ACTR3: variants seen among roughly 807,000 people sequenced by gnomAD.
ACTR3 encodes actin-related protein 3.
Under a neutral mutation model 56.8 loss-of-function variants are expected in ACTR3, and 12 were observed. That is an observed-to-expected ratio of 0.21 (90% CI 0.14 to 0.34). ACTR3 has a LOEUF of 0.34. Ranked by LOEUF, ACTR3 falls within the 10% of genes least tolerant of loss-of-function variation. The pLI is 1.00. For missense variants in ACTR3, 282 were observed against 512.5 expected, an observed-to-expected ratio of 0.55 and a Z score of 4.34; for synonymous variants, 162 against 167.4, an observed-to-expected ratio of 0.97 and a Z score of 0.25.
At position 113,927,290 on chromosome 2, in the gene ACTR3, ATT is replaced by A. The variant is rs147608621; in HGVS notation, c.226-53_226-52del. On this transcript the variant is annotated intron_variant, in intron 3 of 11. Transcript: ENST00000263238. The stretch of plus-strand genomic sequence containing the variant: ...CTGATATTTCCTTTTTTGTATTTTT[ATT>A]TGTTTTTTATATTAATAAGATTTAA... 565 of 1,201,686 alleles carry A rather than the reference ATT, an allele frequency of 4.7e-4. 3 individuals carry two copies. The African/African-American group carries it at 8.2e-3, about 17-fold the overall frequency. The allele number at this position is 1,201,686 out of a possible 1,614,324, so 74.4% of individuals were successfully genotyped here.
intron 1 of ACTR3, among the ~76,000 whole-genome samples, chr2:113,901,726 G>C (rs1370480858): frequency 6.6e-6 from 1 of 151,994 alleles, no homozygotes; most frequent in African/African-American, 2.4e-5. Context: ...TTGAACTATT[G>C]AAAGTTAAAA....
chr2:113,914,405 G>T (rs1354892181), intron 2 of ACTR3, among the ~76,000 whole-genome samples: 1 of 152,136 alleles, frequency 6.6e-6, no homozygotes, highest in Non-Finnish European at 1.5e-5. Flanking sequence ...GAGGTCAGGA[G>T]TTCGAGACCA....
intron 10 of ACTR3, 83 bp from the exon 11 acceptor site, chr2:113,955,540 G>T: frequency 2.1e-6 from 2 of 973,802 alleles, no homozygotes; most frequent in East Asian, 2.6e-5. Context: ...TATTATTTTT[G>T]TATATGTACA....
rs1680241677 is a variant in ACTR3 at position 113,957,677 on chromosome 2, G to A, written c.*222G>A. Reference sequence around the variant, plus strand: ...TTTAGATTGAATATTTGAATCTTATGTGTAACAAAAAGAAGTGGGTTTTAG... The same window carrying A: ...TTTAGATTGAATATTTGAATCTTATATGTAACAAAAAGAAGTGGGTTTTAG... On this transcript the variant is annotated 3_prime_UTR_variant, in exon 12 of 12. Transcript: ENST00000263238. 4.4e-6 allele frequency: 2 copies of A among 457,940 alleles called. No individual in the cohort carries two copies. The highest frequency in any genetic ancestry group is 6.6e-5 in the East Asian group (2 of 30,386). The allele number at this position is 457,940 out of a possible 1,614,324, so 28.4% of individuals were successfully genotyped here. A position where few individuals can be genotyped will look rare whatever the true frequency, so the allele number is the denominator to read the frequency against.
At chr2:113,952,459 A>G (rs1680138013) in intron 10 of ACTR3, 1 of 152,132 alleles carries the variant, frequency 6.6e-6, no homozygotes, top group Admixed American at 6.6e-5. Context: ...GTTGATTTAG[A>G]GGAATGATAT....
At chr2:113,939,776 C>CT (rs538156657) in intron 6 of ACTR3, among the ~76,000 whole-genome samples, 183 bp from the exon 7 acceptor site, 243 of 152,224 alleles carry the variant, frequency 1.6e-3, no homozygotes, top group Non-Finnish European at 2.6e-3. Context: ...GAAAATAAAT[C>CT]TAAGTTGCTG....
intron 4 of ACTR3, among the ~76,000 whole-genome samples, chr2:113,928,612 G>A (rs1014062202): frequency 6.6e-6 from 1 of 152,120 alleles, no homozygotes; most frequent in Non-Finnish European, 1.5e-5. Context: ...TTATACAATG[G>A]TCCCTGTCAC....
intron 1 of ACTR3, among the ~76,000 whole-genome samples, chr2:113,894,832 G>A (rs1678975115): frequency 2.6e-5 from 4 of 152,136 alleles, no homozygotes; most frequent in African/African-American, 9.7e-5. Context: ...CAGGTGGTTC[G>A]ATCTGCTATT....
intron 1 of ACTR3, among the ~76,000 whole-genome samples, chr2:113,900,477 G>C (rs527524070): frequency 3.9e-5 from 6 of 152,274 alleles, no homozygotes; most frequent in African/African-American, 1.4e-4. Flanking sequence ...CAAAGGGACT[G>C]GGAAAACGTT....
chr2:113,912,621 T>G (rs1172445109), intron 1 of ACTR3, among the ~76,000 whole-genome samples: 1 of 152,176 alleles, frequency 6.6e-6, no homozygotes. Context: ...AAATTATTCT[T>G]GTGTAGTCTT....
chr2:113,946,981 G>A (rs1001626444), intron 8 of ACTR3, among the ~76,000 whole-genome samples: 5 of 152,144 alleles, frequency 3.3e-5, no homozygotes, highest in Non-Finnish European at 5.9e-5. Context: ...ATTCATCCTT[G>A]GTCATTTACC....
At chr2:113,903,572 C>T (rs977780921) in intron 1 of ACTR3, among the ~76,000 whole-genome samples, 9 of 150,292 alleles carry the variant, frequency 6.0e-5, no homozygotes, top group African/African-American at 1.7e-4. Context: ...AGTCTCGCTC[C>T]GTTGCTGGGC....
chr2:113,931,267 T>TA, intron 4 of ACTR3, 34 bp from the exon 5 acceptor site: 1 of 1,253,580 alleles, frequency 8.0e-7, no homozygotes, highest in Non-Finnish European at 1.1e-6. Flanking sequence ...AATAATCTGA[T>TA]ATTATCTATT....
At chr2:113,944,931 C>A (rs1455657737) in intron 8 of ACTR3, among the ~76,000 whole-genome samples, 1 of 152,052 alleles carries the variant, frequency 6.6e-6, no homozygotes, top group Non-Finnish European at 1.5e-5. Flanking sequence ...CCTCTCGCCT[C>A]CCCCAGACAG....
At chr2:113,950,111 T>C (rs896715362) in intron 8 of ACTR3, among the ~76,000 whole-genome samples, 10 of 152,194 alleles carry the variant, frequency 6.6e-5, no homozygotes, top group Non-Finnish European at 1.5e-4. Context: ...TGGTAACATT[T>C]TTGTTATCCC....
In ACTR3 at chr2:113,959,540, C is replaced by G. The variant is rs926551865; in HGVS notation, c.*2085C>G. The G allele has an allele frequency of 2.6e-5, 4 of 152,032 alleles. No homozygotes were observed. The highest frequency in any genetic ancestry group is 9.7e-5 in the African/African-American group (4 of 41,446). The allele number at this position is 152,032 out of a possible 1,614,324, so 9.4% of individuals were successfully genotyped here. On this transcript the variant is annotated 3_prime_UTR_variant, in exon 12 of 12. Transcript: ENST00000263238. Reference sequence around the variant, plus strand: ...CAAAAACATGAAGATCAAAAACTTTCTTGAAGCTTACGCTTAACTTATTTG... The same window carrying G: ...CAAAAACATGAAGATCAAAAACTTTGTTGAAGCTTACGCTTAACTTATTTG...
chr2:113,926,016 A>G (rs1023082047), intron 3 of ACTR3, among the ~76,000 whole-genome samples: 84 of 152,312 alleles, frequency 5.5e-4, no homozygotes, highest in African/African-American at 1.9e-3. Flanking sequence ...TTAAATACCT[A>G]GGTCCAGGCA....
chr2:113,956,651 A>G (rs1475676587), intron 11 of ACTR3, among the ~76,000 whole-genome samples: 2 of 152,202 alleles, frequency 1.3e-5, no homozygotes, highest in African/African-American at 2.4e-5. Flanking sequence ...AAGGTGTTCT[A>G]GTGTTCTAAT....
chr2:113,912,054 T>G (rs561357425), intron 1 of ACTR3, among the ~76,000 whole-genome samples: 1 of 152,272 alleles, frequency 6.6e-6, no homozygotes, highest in African/African-American at 2.4e-5. Flanking sequence ...TTCTATAGTT[T>G]TAGTAGCGAG....
Sources: allele counts gnomAD v4.1 joint callset (sites outside exome capture counted in the v4.1 genomes callset), GRCh38; gene constraint gnomAD v4.1.1; transcripts MANE v1.5; gene names NCBI Gene and HGNC (gene_info 2026-07-23, HGNC 2026-07-21).